MYO5A: variants seen among roughly 807,000 people sequenced by gnomAD.
The protein encoded by MYO5A is myosin VA.
Under a neutral mutation model 249.7 loss-of-function variants are expected in MYO5A, and 98 were observed. The ratio of observed to expected loss-of-function variants is 0.39; its 90% CI spans 0.33 to 0.46. MYO5A has a LOEUF of 0.46. Ranked by LOEUF, MYO5A falls within the 20% of genes least tolerant of loss-of-function variation. The pLI, the probability that MYO5A is intolerant of heterozygous loss-of-function variation, is 0.98. For synonymous variants in MYO5A, 778 were observed against 810.6 expected, an observed-to-expected ratio of 0.96 and a Z score of 0.68; for missense variants, 1,696 against 2,308.8, an observed-to-expected ratio of 0.73 and a Z score of 5.44.
intron 1 of MYO5A, among the ~76,000 whole-genome samples, chr15:52,478,888 T>C (rs552569726): frequency 1.3e-5 from 2 of 152,344 alleles, no homozygotes; most frequent in South Asian, 4.1e-4. Context: ...TGTAGTACTA[T>C]GTGTACTGCA....
intron 3 of MYO5A, among the ~76,000 whole-genome samples, chr15:52,428,192 T>C (rs1440911417): frequency 6.6e-6 from 1 of 152,230 alleles, no homozygotes; most frequent in Non-Finnish European, 1.5e-5. Flanking sequence ...GCCCAGTCTT[T>C]TTATTTTTAG....
chr15:52,447,020 A>G (rs1284107814), intron 1 of MYO5A, among the ~76,000 whole-genome samples: 5 of 152,150 alleles, frequency 3.3e-5, no homozygotes, highest in Non-Finnish European at 7.3e-5. Flanking sequence ...GAATGAGTCA[A>G]GGCTTTGGGG....
intron 2 of MYO5A, among the ~76,000 whole-genome samples, chr15:52,432,895 A>C (rs2141306060): frequency 6.6e-6 from 1 of 152,354 alleles, no homozygotes; most frequent in Non-Finnish European, 1.5e-5. Flanking sequence ...GTTAAATGCA[A>C]GAGTTTTAGG....
chr15:52,351,490 A>C lies in MYO5A; in HGVS notation c.3622-9T>G. On this transcript the variant is annotated splice_polypyrimidine_tract_variant and intron_variant, in intron 27 of 41. Coordinates refer to ENST00000399233, the MANE Select transcript of MYO5A (RefSeq NM_001382347.1). ...GATTCTAGTTCTTGACGCTGTATGA[A>C]AAGACAAAGAAAAGTTCATTGCTGT... 1 of 1,612,104 alleles carries C rather than the reference A, an allele frequency of 6.2e-7. No homozygotes were observed. Among genetic ancestry groups the C allele is most frequent in the African/African-American group, 1.3e-5 (1 of 75,018 alleles).
intron 1 of MYO5A, among the ~76,000 whole-genome samples, chr15:52,445,512 C>A (rs1399405814): frequency 6.6e-6 from 1 of 152,118 alleles, no homozygotes; most frequent in African/African-American, 2.4e-5. Flanking sequence ...GCCTCACATA[C>A]AGATAACTGA....
chr15:52,450,968 T>A (rs1436048608), intron 1 of MYO5A, among the ~76,000 whole-genome samples: 28 of 132,894 alleles, frequency 2.1e-4, no homozygotes. Flanking sequence ...TTACATTGTA[T>A]CCCACCCACT....
chr15:52,414,715 C>T (rs189299122), intron 5 of MYO5A, among the ~76,000 whole-genome samples: 108 of 152,266 alleles, frequency 7.1e-4, no homozygotes, highest in Non-Finnish European at 1.3e-3. Flanking sequence ...CAAAACCAGT[C>T]AAAACAACAA....
At chr15:52,321,943 A>G (rs183258486) in intron 37 of MYO5A, among the ~76,000 whole-genome samples, 1 of 152,296 alleles carries the variant, frequency 6.6e-6, no homozygotes, top group South Asian at 2.1e-4. Context: ...TATAATCTTG[A>G]AATAGACCGA....
intron 4 of MYO5A, 67 bp downstream of exon 4, chr15:52,425,763 G>T: frequency 6.4e-7 from 1 of 1,556,422 alleles, no homozygotes; most frequent in South Asian, 1.1e-5. Flanking sequence ...AAATATATGT[G>T]ACTTAGCAAG....
intron 30 of MYO5A, 113 bp from the exon 31 acceptor site, chr15:52,343,310 A>G: frequency 1.1e-6 from 1 of 911,206 alleles, no homozygotes; most frequent in Non-Finnish European, 1.8e-6. Flanking sequence ...GTTTGTTTTT[A>G]TTCATTATGA....
rs769248373 is a variant in MYO5A, at chr15:52,389,281, C to T, written c.1625G>A (p.Arg542His). The T allele has an allele frequency of 8.7e-6, 14 of 1,613,268 alleles. No homozygotes were observed. Among genetic ancestry groups the T allele is most frequent in the Admixed American group, 1.7e-5 (1 of 59,966 alleles). The change falls in exon 13 of 42, where the codon CGT (arginine) becomes CAT (histidine). Residue 542 changes from arginine to histidine, a missense_variant. This residue lies in a region of MYO5A where 277 missense variants were observed against 422.4 expected (regional missense o/e 0.66). Coordinates refer to ENST00000399233, the MANE Select transcript of MYO5A (RefSeq NM_001382347.1). Reference sequence around the variant, plus strand: ...GATGATGAAAGCTTTGTTTGATAGACGAGGCTTTTCAAAGAGTGCACATTT... The same window carrying T: ...GATGATGAAAGCTTTGTTTGATAGATGAGGCTTTTCAAAGAGTGCACATTT... ...LNKCALFEKPRLSNKAFIIQH... is the reference protein window; with the variant it reads ...LNKCALFEKPHLSNKAFIIQH...
chr15:52,375,154 A>AT, intron 20 of MYO5A, 150 bp downstream of exon 20: 1 of 822,654 alleles, frequency 1.2e-6, no homozygotes, highest in Non-Finnish European at 1.8e-6. Flanking sequence ...CTAAAAAAGA[A>AT]TTTTTTAAAA....
intron 4 of MYO5A, among the ~76,000 whole-genome samples, chr15:52,425,038 T>C (rs1177571029): frequency 6.6e-6 from 1 of 152,226 alleles, no homozygotes; most frequent in African/African-American, 2.4e-5. Context: ...GAGGATCACT[T>C]GAGCCCAGGA....
intron 1 of MYO5A, among the ~76,000 whole-genome samples, chr15:52,487,994 G>A (rs1434141011): frequency 2.0e-5 from 3 of 152,008 alleles, no homozygotes; most frequent in Non-Finnish European, 4.4e-5. Flanking sequence ...TTCTGGGTGA[G>A]GCCTCTGATT....
At chr15:52,416,458 T>C (rs2043492683) in intron 4 of MYO5A, among the ~76,000 whole-genome samples, 157 bp from the exon 5 acceptor site, 1 of 152,116 alleles carries the variant, frequency 6.6e-6, no homozygotes, top group Admixed American at 6.6e-5. Flanking sequence ...TCAATCCCTA[T>C]ACTGGCCACC....
chr15:52,455,756 C>G (rs2076105279), intron 1 of MYO5A, among the ~76,000 whole-genome samples: 1 of 120,596 alleles, frequency 8.3e-6, no homozygotes, highest in Non-Finnish European at 1.7e-5. Flanking sequence ...CAATAAAATT[C>G]AACATCCCTT....
chr15:52,527,564 A>C (rs955210431), intron 1 of MYO5A, among the ~76,000 whole-genome samples: 1 of 152,258 alleles, frequency 6.6e-6, no homozygotes, highest in Non-Finnish European at 1.5e-5. Context: ...AAAAGCTTTC[A>C]CAACGATTAT....
Position 52,308,614 on chromosome 15 carries a change from C to G in MYO5A, c.*5082G>C, listed in dbSNP as rs957094216. ...TCTCTAAGCTGGCCTCTCACTGGCT[C>G]TGAGACTGTTGCTGCCCCACAGTTC... On this transcript the variant is annotated 3_prime_UTR_variant, in exon 42 of 42. Transcript: ENST00000399233. 3.3e-5 allele frequency: 5 copies of G among 152,410 alleles called. No individual in the cohort carries two copies. The highest frequency in any genetic ancestry group is 7.3e-5 in the Non-Finnish European group (5 of 68,054). 9.4% of individuals were successfully genotyped at this position (152,410 alleles called of 1,614,324 possible). A position where few individuals can be genotyped will look rare whatever the true frequency, so the allele number is the denominator to read the frequency against.
At chr15:52,509,624 T>C (rs1395062479) in intron 1 of MYO5A, among the ~76,000 whole-genome samples, 1 of 152,208 alleles carries the variant, frequency 6.6e-6, no homozygotes, top group Non-Finnish European at 1.5e-5. Context: ...CAACTGTATT[T>C]AAACTAAAAT....
Sources: gnomAD v4.1 joint callset for allele counts (sites outside exome capture counted in the v4.1 genomes callset) on GRCh38, gnomAD v4.1.1 for gene constraint, gnomAD v4.1.1 regional missense constraint, MANE v1.5 for transcripts, NCBI Gene and HGNC (gene_info 2026-07-23, HGNC 2026-07-21) for gene names.